Variants in DMD observed in about 807,000 individuals in gnomAD.
DMD encodes the protein dystrophin.
A neutral mutation model predicts 330.1 loss-of-function variants in DMD; 63 were observed. The observed-to-expected ratio is 0.19, with a 90% confidence interval of 0.16 to 0.24. The LOEUF is 0.24. Among genes scored for constraint, DMD ranks in the 10% least tolerant of loss-of-function variants. The probability of loss-of-function intolerance (pLI) is 1.00; values close to 1 mark genes in which losing one functional copy is unlikely to be tolerated. For missense variants in DMD, 3,344 were observed against 2,684.1 expected (o/e 1.25, Z -5.43); for synonymous variants, 1,223 against 959.8 (o/e 1.27, Z -5.07).
intron 7 of DMD, among the ~76,000 whole-genome samples, chrX:32,762,105 C>T (rs769104439): frequency 9.4e-6 from 1 of 106,076 alleles, no homozygotes; most frequent in African/African-American, 3.5e-5. Flanking sequence ...GAGGCCAGAT[C>T]GTACCACTGC....
At chrX:31,729,787 G>A (rs1429687609) in intron 51 of DMD, 39 bp from the exon 52 acceptor site, 1 of 1,056,462 alleles carries the variant, frequency 9.5e-7, no homozygotes, top group Admixed American at 2.2e-5. Context: ...GGGTTCTTCA[G>A]CGTTGTGTAT....
chrX:32,722,980 G>T (rs1330109953), intron 7 of DMD, among the ~76,000 whole-genome samples: 1 of 110,872 alleles, frequency 9.0e-6, no homozygotes, highest in Non-Finnish European at 1.9e-5. Flanking sequence ...GAAGTGGTAA[G>T]AGTGGGCATC....
chrX:32,317,993 AG>A (rs2097590056), intron 41 of DMD, among the ~76,000 whole-genome samples: 1 of 111,278 alleles, frequency 9.0e-6, no homozygotes, highest in South Asian at 3.7e-4. Flanking sequence ...CTTTCCTCAA[AG>A]GGACATTCTT....
intron 74 of DMD, among the ~76,000 whole-genome samples, chrX:31,164,363 T>C (rs1459722424): frequency 9.0e-6 from 1 of 111,499 alleles, no homozygotes; most frequent in Non-Finnish European, 1.9e-5. Context: ...CCATACCTCA[T>C]TTATCACCTT....
intron 52 of DMD, among the ~76,000 whole-genome samples, chrX:31,726,469 C>T (rs1438134308): frequency 2.7e-5 from 3 of 111,996 alleles, no homozygotes; most frequent in African/African-American, 9.7e-5. Context: ...TTGAGCATTT[C>T]TAGAAGTTTC....
intron 6 of DMD, among the ~76,000 whole-genome samples, chrX:32,812,463 A>G (rs1419671944): frequency 9.0e-6 from 1 of 110,767 alleles, no homozygotes; most frequent in African/African-American, 3.3e-5. Context: ...TAAAACCCCG[A>G]CACTACTAAA....
chrX:33,224,039 T>C (rs1172723824), intron 1 of DMD, among the ~76,000 whole-genome samples: 1 of 112,388 alleles, frequency 8.9e-6, no homozygotes, highest in East Asian at 2.8e-4. Context: ...GTGATGCTAC[T>C]ACATACCTCT....
intron 7 of DMD, among the ~76,000 whole-genome samples, chrX:32,775,069 G>A (rs2074003280): frequency 8.9e-6 from 1 of 112,429 alleles, no homozygotes; most frequent in African/African-American, 3.2e-5. Flanking sequence ...AGTTTGAAAT[G>A]CAGCCAGGCA....
rs1254148852 is a variant in DMD, at chrX:31,744,852, A to C, written c.7543-15104T>G. On this transcript the variant is annotated intron_variant, in intron 51 of 78. Coordinates refer to ENST00000357033, the MANE Select transcript of DMD (RefSeq NM_004006.3). ...TTATTGAAATAATTGTATGCATAAC[A>C]CATCACAGTAGGGAATGTGCCTCAT... 6.2e-5 allele frequency among the ~76,000 whole-genome samples: 7 copies of C among 112,173 alleles called. No individual in the cohort carries two copies. In the Admixed American group the frequency reaches 6.6e-4, roughly 11 times the overall value.
At chrX:32,249,727 T>A (rs2097255808) in intron 43 of DMD, among the ~76,000 whole-genome samples, 1 of 111,683 alleles carries the variant, frequency 9.0e-6, no homozygotes, top group Non-Finnish European at 1.9e-5. Context: ...CCTGTCAATA[T>A]TCGACACAAA....
At chrX:33,219,464 T>A (rs1426824478) in intron 1 of DMD, among the ~76,000 whole-genome samples, 6 of 91,176 alleles carry the variant, frequency 6.6e-5, no homozygotes, top group Non-Finnish European at 1.2e-4. Flanking sequence ...TTTTTTCCAC[T>A]GGACAAAAAA....
chrX:31,493,219 T>C (rs2069481125), intron 57 of DMD, among the ~76,000 whole-genome samples: 1 of 111,723 alleles, frequency 9.0e-6, no homozygotes, highest in Admixed American at 9.5e-5. Flanking sequence ...ATGTGCTGAG[T>C]AGAAAAATGA....
intron 47 of DMD, among the ~76,000 whole-genome samples, chrX:31,907,830 C>T (rs1254954727): frequency 8.9e-6 from 1 of 112,130 alleles, no homozygotes; most frequent in Non-Finnish European, 1.9e-5. Flanking sequence ...TGACAAAGGG[C>T]TAATATCGAG....
At chrX:32,468,271 T>C (rs963201847) in intron 23 of DMD, among the ~76,000 whole-genome samples, 2 of 110,829 alleles carry the variant, frequency 1.8e-5, no homozygotes, top group Admixed American at 1.9e-4. Context: ...TTGGTAATGG[T>C]GAAAATAGAA....
At chrX:32,459,863 G>A (rs1371063588) in intron 25 of DMD, among the ~76,000 whole-genome samples, 2 of 111,099 alleles carry the variant, frequency 1.8e-5, no homozygotes, top group African/African-American at 6.5e-5. Flanking sequence ...CATCAAAAAT[G>A]TAATGAGGAT....
At chrX:32,030,952 C>G (rs1455821768) in intron 44 of DMD, among the ~76,000 whole-genome samples, 3 of 111,728 alleles carry the variant, frequency 2.7e-5, no homozygotes, top group Non-Finnish European at 5.7e-5. Context: ...TCACTGGGCT[C>G]TACTCTGTAT....
intron 2 of DMD, among the ~76,000 whole-genome samples, chrX:32,851,629 A>T (rs951442962): frequency 4.4e-5 from 5 of 112,503 alleles, no homozygotes; most frequent in African/African-American, 1.6e-4. Context: ...TTTTAATATC[A>T]TATCAAGGAA....
intron 2 of DMD, among the ~76,000 whole-genome samples, chrX:33,009,164 ATATATATGTGTATATATACGTATATATG>A (rs1370644606): frequency 0.081 from 509 of 6,311 alleles, 132 homozygotes; most frequent in African/African-American, 0.14. Context: ...GTATATATGT[ATATATATGTGTATATATACGTATATATG>A]TATATATGTG....
At chrX:32,673,130 T>C (rs1446277036) in intron 9 of DMD, among the ~76,000 whole-genome samples, 1 of 111,298 alleles carries the variant, frequency 9.0e-6, no homozygotes, top group Non-Finnish European at 1.9e-5. Context: ...AACATCATTC[T>C]AGTTTATATG....
Sources: allele counts gnomAD v4.1 joint callset (sites outside exome capture counted in the v4.1 genomes callset), GRCh38; gene constraint gnomAD v4.1.1; transcripts MANE v1.5; gene names NCBI Gene and HGNC (gene_info 2026-07-23, HGNC 2026-07-21).